VTI1A: variants seen among roughly 807,000 people sequenced by gnomAD.
VTI1A encodes vesicle transport through interaction with t-SNAREs homolog 1A.
VTI1A carries 22 observed loss-of-function variants against 34.9 expected under a neutral mutation model. The observed-to-expected ratio is 0.63, with a 90% CI of 0.45 to 0.90. The LOEUF (loss-of-function observed/expected upper bound fraction) is 0.90, where lower values mean the gene tolerates loss of function less well. Among genes scored for constraint, VTI1A ranks in the 40% least tolerant of loss-of-function variants. The pLI is 0.00. For missense variants in VTI1A, 268 were observed against 275.6 expected (o/e 0.97, Z 0.20); for synonymous variants, 87 against 97.3 (o/e 0.89, Z 0.62).
intron 5 of VTI1A, among the ~76,000 whole-genome samples, chr10:112,651,766 G>C (rs974938030): frequency 1.3e-5 from 2 of 152,172 alleles, no homozygotes; most frequent in African/African-American, 4.8e-5. Flanking sequence ...TTGAATACCA[G>C]GTTACCTTCT....
At chr10:112,715,948 A>G (rs765665520) in intron 7 of VTI1A, among the ~76,000 whole-genome samples, 1 of 152,200 alleles carries the variant, frequency 6.6e-6, no homozygotes, top group African/African-American at 2.4e-5. Flanking sequence ...GACTGGGAAG[A>G]CACGCTGCTT....
chr10:112,570,758 A>G (rs1852087673), intron 5 of VTI1A, among the ~76,000 whole-genome samples: 1 of 152,268 alleles, frequency 6.6e-6, no homozygotes, highest in South Asian at 2.1e-4. Context: ...AGCACATAAT[A>G]TCTCATAGAA....
At chr10:112,586,039 T>C (rs1441707576) in intron 5 of VTI1A, among the ~76,000 whole-genome samples, 2 of 152,002 alleles carry the variant, frequency 1.3e-5, no homozygotes, top group Admixed American at 1.3e-4. Context: ...TTACGTCGAT[T>C]GCTGAAAAAA....
intron 3 of VTI1A, among the ~76,000 whole-genome samples, chr10:112,506,355 A>AGT (rs1430754522): frequency 6.6e-6 from 1 of 152,196 alleles, no homozygotes; most frequent in African/African-American, 2.4e-5. Context: ...GGAAAACTAT[A>AGT]GTATATATAG....
intron 5 of VTI1A, among the ~76,000 whole-genome samples, chr10:112,602,284 C>G (rs1453173099): frequency 6.6e-6 from 1 of 152,116 alleles, no homozygotes; most frequent in Non-Finnish European, 1.5e-5. Flanking sequence ...GTTTATTGAG[C>G]GAATGAAAAA....
At chr10:112,830,698 G>A in the VTI1A span, among the ~76,000 whole-genome samples, 636 of 149,946 alleles carry the variant, frequency 4.2e-3, 3 homozygotes, top group Non-Finnish European at 7.0e-3. Context: ...CGAGGAGATG[G>A]AGAAAACAGT....
chr10:112,820,637 C>A (rs1430714673), downstream of VTI1A, among the ~76,000 whole-genome samples: 1 of 152,212 alleles, frequency 6.6e-6, no homozygotes, highest in Non-Finnish European at 1.5e-5. Context: ...CAGGCCCAGG[C>A]AGCAAGAGTC....
chr10:112,631,892 C>T (rs1440965266), intron 5 of VTI1A, among the ~76,000 whole-genome samples: 1 of 152,142 alleles, frequency 6.6e-6, no homozygotes, highest in East Asian at 1.9e-4. Flanking sequence ...CCAGAGAACC[C>T]TTTTATTTCG....
intron 7 of VTI1A, among the ~76,000 whole-genome samples, chr10:112,783,961 G>T (rs1010214978): frequency 1.4e-4 from 22 of 152,244 alleles, no homozygotes; most frequent in South Asian, 2.1e-4. Flanking sequence ...ACTGTCATCT[G>T]TGTCAGAGTG....
chr10:112,692,702 T>A (rs1303887942), intron 7 of VTI1A, among the ~76,000 whole-genome samples: 1 of 152,224 alleles, frequency 6.6e-6, no homozygotes, highest in Admixed American at 6.5e-5. Context: ...TAGCTATGCA[T>A]TTTTTCACAC....
intron 5 of VTI1A, among the ~76,000 whole-genome samples, chr10:112,659,738 T>A (rs1265309826): frequency 1.3e-5 from 2 of 152,188 alleles, no homozygotes; most frequent in Non-Finnish European, 2.9e-5. Context: ...CGCACGCGCG[T>A]GCATAGGCCC....
intron 5 of VTI1A, among the ~76,000 whole-genome samples, chr10:112,619,317 T>C (rs1297333446): frequency 6.6e-6 from 1 of 152,104 alleles, no homozygotes; most frequent in Admixed American, 6.5e-5. Flanking sequence ...ATGAAGACAG[T>C]TCCTCTAACC....
At chr10:112,606,673 T>C (rs1045753959) in intron 5 of VTI1A, among the ~76,000 whole-genome samples, 1 of 152,224 alleles carries the variant, frequency 6.6e-6, no homozygotes, top group Non-Finnish European at 1.5e-5. Flanking sequence ...ATAGCTCAGC[T>C]GCCCACTAGT....
At chr10:112,572,030 A>G (rs1852144192) in intron 5 of VTI1A, among the ~76,000 whole-genome samples, 1 of 148,104 alleles carries the variant, frequency 6.8e-6, no homozygotes, top group Admixed American at 6.7e-5. Context: ...ATTGTTGGGT[A>G]CTATGCTCAC....
chr10:112,731,436 A>T (rs1442072675), intron 7 of VTI1A, among the ~76,000 whole-genome samples: 1 of 152,128 alleles, frequency 6.6e-6, no homozygotes, highest in Non-Finnish European at 1.5e-5. Context: ...TTAGCCAGGC[A>T]TGGTGGCAGG....
At chr10:112,655,860 TAGTC>T (rs981404902) in intron 5 of VTI1A, among the ~76,000 whole-genome samples, 2 of 152,152 alleles carry the variant, frequency 1.3e-5, no homozygotes, top group African/African-American at 2.4e-5. Context: ...TCTAGGCAAT[TAGTC>T]AGCCTACAAT....
At chr10:112,836,561 T>C in the VTI1A span, among the ~76,000 whole-genome samples, 1 of 152,202 alleles carries the variant, frequency 6.6e-6, no homozygotes. Flanking sequence ...TTTTCTCTTG[T>C]AACTGCATGT....
intron 5 of VTI1A, among the ~76,000 whole-genome samples, chr10:112,644,065 C>T (rs934462430): frequency 2.6e-5 from 4 of 152,090 alleles, no homozygotes; most frequent in South Asian, 2.1e-4. Flanking sequence ...TTTGATGTCT[C>T]GGCTTTGCTA....
chr10:112,658,163 C>G (rs570804762), intron 5 of VTI1A, among the ~76,000 whole-genome samples: 1 of 152,306 alleles, frequency 6.6e-6, no homozygotes, highest in Non-Finnish European at 1.5e-5. Context: ...TCATAGCTCA[C>G]TGCAGCCTCA....
Sources: gnomAD v4.1 joint callset for allele counts (sites outside exome capture counted in the v4.1 genomes callset) on GRCh38, gnomAD v4.1.1 for gene constraint, MANE v1.5 for transcripts, NCBI Gene and HGNC (gene_info 2026-07-23, HGNC 2026-07-21) for gene names.